LARGE1: variants seen among roughly 807,000 people sequenced by gnomAD.
The protein encoded by LARGE1 is LARGE xylosyl- and glucuronyltransferase 1, also known as xylosyl- and glucuronyltransferase LARGE1.
In LARGE1, 43 loss-of-function variants were observed where a neutral mutation model predicts 87.6. The ratio of observed to expected loss-of-function variants is 0.49; its 90% CI spans 0.38 to 0.63. The LOEUF is 0.63. Ranked by LOEUF, LARGE1 falls within the 30% of genes least tolerant of loss-of-function variation. LARGE1 has a pLI of 0.00. For synonymous variants in LARGE1, 434 were observed against 394.6 expected (o/e 1.10, Z -1.18); for missense variants, 802 against 1,000.2 (o/e 0.80, Z 2.67).
At position 33,696,899 on chromosome 22, in the gene LARGE1, G is replaced by A. The variant is rs187103075; in HGVS notation, c.107-46231C>T. On this transcript the variant is annotated intron_variant, in intron 2 of 14. Coordinates refer to ENST00000397394, the MANE Select transcript of LARGE1 (RefSeq NM_133642.5). ...ACTGGGGCTGACATTTTACCAGTTC[G>A]AGTGAACTGCAGCACACTTAACTCC... 1.7e-4 allele frequency among the ~76,000 whole-genome samples: 26 copies of A among 152,202 alleles called. 2 individuals are homozygous for A. Among genetic ancestry groups the A allele is most frequent in the African/African-American group, 3.4e-4 (14 of 41,508 alleles).
intron 1 of LARGE1, among the ~76,000 whole-genome samples, chr22:33,819,690 CT>C (rs2086762515): frequency 6.6e-6 from 1 of 152,192 alleles, no homozygotes; most frequent in African/African-American, 2.4e-5. Context: ...ACCCTTTCCA[CT>C]TTCCCATGGG....
At chr22:33,401,134 T>C (rs1036118684) in intron 7 of LARGE1, among the ~76,000 whole-genome samples, 3 of 152,194 alleles carry the variant, frequency 2.0e-5, no homozygotes, top group African/African-American at 4.8e-5. Flanking sequence ...CAGTCTCTGC[T>C]TGGCAGCCAT....
At chr22:33,677,121 C>A (rs2081605463) in intron 2 of LARGE1, among the ~76,000 whole-genome samples, 1 of 152,094 alleles carries the variant, frequency 6.6e-6, no homozygotes, top group Non-Finnish European at 1.5e-5. Context: ...CATTAGAACC[C>A]AGGTGTGTTG....
chr22:33,736,127 C>A (rs780137561), intron 2 of LARGE1, among the ~76,000 whole-genome samples: 6 of 152,098 alleles, frequency 3.9e-5, no homozygotes, highest in African/African-American at 1.4e-4. Flanking sequence ...GTTTGAGAAC[C>A]TGTTTTCAGT....
rs547158193 is a variant in LARGE1 at position 33,517,367 on chromosome 22, G to A, written c.787+47481C>T. Among the ~76,000 whole-genome samples, 5 of 152,292 alleles carry A rather than the reference G, an allele frequency of 3.3e-5. No individual in the cohort carries two copies. In the South Asian group the frequency reaches 1.0e-3, roughly 32 times the overall value. On this transcript the variant is annotated intron_variant, in intron 6 of 14. Transcript: ENST00000397394. Reference sequence around the variant, plus strand: ...CCAATAAAAAGGGCTGAACTCGGTGGAGTAGAGCTACAAAAACATACATAT... The same window carrying A: ...CCAATAAAAAGGGCTGAACTCGGTGAAGTAGAGCTACAAAAACATACATAT...
intron 2 of LARGE1, among the ~76,000 whole-genome samples, chr22:33,703,070 C>T (rs980489697): frequency 1.3e-5 from 2 of 152,198 alleles, no homozygotes; most frequent in Non-Finnish European, 2.9e-5. Context: ...AAACCATCAA[C>T]CTCAACAAAC....
intron 11 of LARGE1, among the ~76,000 whole-genome samples, chr22:33,199,463 TTTTCTTC>T (rs1283726590): frequency 6.6e-6 from 1 of 152,226 alleles, no homozygotes; most frequent in African/African-American, 2.4e-5. Flanking sequence ...TTTTTCTAGC[TTTTCTTC>T]TAGAATTTTT....
chr22:33,837,259 C>CAT (rs2063136345), intron 1 of LARGE1, among the ~76,000 whole-genome samples: 4 of 31,662 alleles, frequency 1.3e-4, no homozygotes, highest in Non-Finnish European at 3.3e-4. Context: ...ATTACATATA[C>CAT]ACACACACAC....
chr22:33,242,583 A>G (rs1306540242), intron 11 of LARGE1, among the ~76,000 whole-genome samples: 1 of 151,986 alleles, frequency 6.6e-6, no homozygotes, highest in Non-Finnish European at 1.5e-5. Flanking sequence ...TTTTTTTCAT[A>G]TATATGTTAT....
chr22:33,082,395 G>A, the LARGE1 span, among the ~76,000 whole-genome samples: 28 of 152,250 alleles, frequency 1.8e-4, no homozygotes, highest in Middle Eastern at 6.8e-3. Flanking sequence ...TCTTAATTAG[G>A]GATCTAATGT....
In LARGE1 at chr22:33,839,421, A is replaced by C. The variant is rs1002904231; in HGVS notation, c.-82-77863T>G. Among the ~76,000 whole-genome samples the C allele has an allele frequency of 2.0e-4, 30 of 152,240 alleles. 1 individual carries two copies. Among genetic ancestry groups the C allele is most frequent in the Non-Finnish European group, 3.7e-4 (25 of 68,046 alleles). ...TCTCCAACACTGTGGATTTCACTGC[A>C]ACATGAGATTTGGAGGAGACAAACA... is the stretch of plus-strand genomic sequence containing the variant. On this transcript the variant is annotated intron_variant, in intron 1 of 14. Coordinates refer to ENST00000397394, the MANE Select transcript of LARGE1 (RefSeq NM_133642.5).
At chr22:33,583,161 T>C (rs771409051) in intron 5 of LARGE1, among the ~76,000 whole-genome samples, 3 of 152,154 alleles carry the variant, frequency 2.0e-5, no homozygotes, top group Admixed American at 2.0e-4. Flanking sequence ...TGTTCCAGAA[T>C]TCTAGGAGCT....
intron 9 of LARGE1, among the ~76,000 whole-genome samples, chr22:33,349,707 A>G (rs1454465956): frequency 6.6e-6 from 1 of 152,182 alleles, no homozygotes; most frequent in Admixed American, 6.6e-5. Context: ...AAAATTAAAT[A>G]AAAATGGTGC....
chr22:33,172,042 A>G (rs928240017), intron 11 of LARGE1, among the ~76,000 whole-genome samples: 2 of 152,262 alleles, frequency 1.3e-5, no homozygotes, highest in Non-Finnish European at 2.9e-5. Context: ...CACCTCTTGC[A>G]TCAGCCTGCC....
intron 3 of LARGE1, among the ~76,000 whole-genome samples, chr22:33,643,063 G>C (rs2080494606): frequency 6.6e-6 from 1 of 152,040 alleles, no homozygotes; most frequent in African/African-American, 2.4e-5. Flanking sequence ...AATATCTACG[G>C]AACTCCCCAC....
At chr22:33,321,563 T>A (rs1601437074) in intron 10 of LARGE1, among the ~76,000 whole-genome samples, 1 of 152,136 alleles carries the variant, frequency 6.6e-6, no homozygotes, top group Admixed American at 6.6e-5. Flanking sequence ...CAGGGTTGGC[T>A]TTTTTTTCCT....
At chr22:33,728,603 G>A (rs1420397883) in intron 2 of LARGE1, among the ~76,000 whole-genome samples, 1 of 145,798 alleles carries the variant, frequency 6.9e-6, no homozygotes, top group Non-Finnish European at 1.5e-5. Flanking sequence ...CACATTTCCA[G>A]GGGATTTCTT....
chr22:33,442,848 A>C (rs1373580634), intron 6 of LARGE1, among the ~76,000 whole-genome samples: 1 of 148,690 alleles, frequency 6.7e-6, no homozygotes, highest in Non-Finnish European at 1.5e-5. Context: ...GCTGGAGTGC[A>C]GTGGCACTAT....
At chr22:33,690,804 T>C (rs1032679939) in intron 2 of LARGE1, among the ~76,000 whole-genome samples, 1 of 152,134 alleles carries the variant, frequency 6.6e-6, no homozygotes, top group African/African-American at 2.4e-5. Context: ...TGGCACTCGA[T>C]GTTGCAGGCT....
Sources: gnomAD v4.1 joint callset for allele counts (sites outside exome capture counted in the v4.1 genomes callset) on GRCh38, gnomAD v4.1.1 for gene constraint, MANE v1.5 for transcripts, NCBI Gene and HGNC (gene_info 2026-07-23, HGNC 2026-07-21) for gene names.